Variants in ASIC4 observed in about 807,000 individuals in gnomAD.
ASIC4 encodes acid sensing ion channel subunit family member 4.
Under a neutral mutation model 53.4 loss-of-function variants are expected in ASIC4, and 28 were observed. The observed-to-expected ratio is 0.52, with a 90% CI of 0.39 to 0.72. ASIC4 has a LOEUF of 0.72. Among genes scored for constraint, ASIC4 ranks in the 30% least tolerant of loss-of-function variants. ASIC4 has a pLI of 0.00. For missense variants in ASIC4, 649 were observed against 729.7 expected (o/e 0.89, Z 1.27); for synonymous variants, 289 against 301.4 (o/e 0.96, Z 0.43).
upstream of ASIC4, among the ~76,000 whole-genome samples, chr2:219,511,117 G>C (rs1694696136): frequency 6.6e-6 from 1 of 152,220 alleles, no homozygotes; most frequent in South Asian, 2.1e-4. The surrounding 1 kb of genome is among the most constrained non-coding windows in gnomAD (Gnocchi z 5.3). Context: ...GGTGCAGGGG[G>C]AGGGAGGCTG....
Position 219,532,489 on chromosome 2 carries a change from A to G in ASIC4, c.1018+12A>G. 2 of 1,601,510 alleles carry G rather than the reference A, an allele frequency of 1.2e-6. No individual in the cohort carries two copies. The highest frequency in any genetic ancestry group is 1.7e-6 in the Non-Finnish European group (2 of 1,172,130). ...GGTGCACATGCCAGGTGGGCACCCCACCCCCAGCCAGCCCTCCATGCCACC... is the reference window on the plus strand; with the variant it reads ...GGTGCACATGCCAGGTGGGCACCCCGCCCCCAGCCAGCCCTCCATGCCACC... On this transcript the variant is annotated intron_variant, in intron 4 of 9. Coordinates refer to ENST00000358078, the MANE Select transcript of ASIC4 (RefSeq NM_018674.6).
chr2:219,509,996 G>T (rs998550006), upstream of ASIC4, among the ~76,000 whole-genome samples: 4 of 151,836 alleles, frequency 2.6e-5, no homozygotes, highest in Non-Finnish European at 5.9e-5. This position sits in a 1 kb window ranked among gnomAD's most constrained non-coding sequence, Gnocchi z 5.2. Flanking sequence ...CATGGGGTGT[G>T]GGGGGCGGGG....
chr2:219,537,864 G>C lies in ASIC4; in HGVS notation c.1507-69G>C. 6.7e-7 allele frequency: 1 copy of C among 1,489,720 alleles called. No homozygotes were observed. The highest frequency in any genetic ancestry group is 1.4e-5 in the African/African-American group (1 of 72,420). 92.3% of individuals were successfully genotyped at this position (1,489,720 alleles called of 1,614,324 possible). A position where few individuals can be genotyped will look rare whatever the true frequency, so the allele number is the denominator to read the frequency against. ...CTGCCCGAGGTGACAAGGAAAGGCT[G>C]GCGGTGTGAGCCCTGGGGGCACCAC... On this transcript the variant is annotated intron_variant, in intron 9 of 9. Coordinates refer to ENST00000358078, the MANE Select transcript of ASIC4 (RefSeq NM_018674.6). The surrounding 1 kb of genome is among the most constrained non-coding windows in gnomAD (Gnocchi z 4.9).
intron 1 of ASIC4, among the ~76,000 whole-genome samples, chr2:219,529,887 C>T (rs1695013966): frequency 2.0e-5 from 3 of 151,744 alleles, no homozygotes; most frequent in African/African-American, 4.8e-5. Flanking sequence ...ATCAGGGCTG[C>T]GACTCCCAGA....
In ASIC4 at chr2:219,514,506, A is replaced by AGGCAGCAGC. The variant is rs894746570; in HGVS notation, c.-213_-205dup. ...CGAGGAGAGAGACAAGCGGCAGCAGAGGCAGCAGCGGCAGAGGCAGCACCA... is the reference window on the plus strand; with the variant it reads ...CGAGGAGAGAGACAAGCGGCAGCAGAGGCAGCAGCGGCAGCAGCGGCAGAGGCAGCACCA... On this transcript the variant is annotated 5_prime_UTR_variant, in exon 1 of 10. Transcript: ENST00000358078. 3.9e-6 allele frequency: 6 copies of AGGCAGCAGC among 1,549,288 alleles called. No homozygotes were observed. In the Admixed American group the frequency reaches 1.2e-4, roughly 30 times the overall value.
chr2:219,519,418 G>A lies in ASIC4; in HGVS notation c.582+4112G>A, dbSNP rs368519768. 1.9e-4 allele frequency among the ~76,000 whole-genome samples: 29 copies of A among 152,238 alleles called. No homozygotes were observed. The East Asian group carries it at 3.9e-3, about 20-fold the overall frequency. ...CATTACTCTCCATTACCTAGTCATC[G>A]CCCCGCTTTTGACCCTCTGGCCCAC... On this transcript the variant is annotated intron_variant, in intron 1 of 9. Coordinates refer to ENST00000358078, the MANE Select transcript of ASIC4 (RefSeq NM_018674.6).
Position 219,515,160 on chromosome 2 carries a change from GACCGGGATGGGC to G in ASIC4, c.441_452del (p.Asp148_Arg151del), listed in dbSNP as rs745815024. 1 of 1,614,212 alleles carries G rather than the reference GACCGGGATGGGC, an allele frequency of 6.2e-7. No individual in the cohort carries two copies. Among genetic ancestry groups the G allele is most frequent in the South Asian group, 1.1e-5 (1 of 91,084 alleles). On this transcript the variant is annotated inframe_deletion, in exon 1 of 10. Transcript: ENST00000358078. ...CAATCTGACAGGGCTGCCCCCCAAAGACCGGGATGGGCACCGTGCGGCTGGCCTGCGCTACCC... is the reference window on the plus strand; with the variant it reads ...CAATCTGACAGGGCTGCCCCCCAAAGACCGTGCGGCTGGCCTGCGCTACCC...
rs972661595 is a variant in ASIC4, at chr2:219,531,692, G to A, written c.583-66G>A. On this transcript the variant is annotated intron_variant, in intron 1 of 9. Transcript: ENST00000358078. ...TCTGGTGGCCCTCAGCAGGGAGCAG[G>A]GAACTTCGGAGTTGCCTTGGCCACT... is the stretch of plus-strand genomic sequence containing the variant. 36 of 1,518,066 alleles carry A rather than the reference G, an allele frequency of 2.4e-5. No homozygotes were observed. The Admixed American group carries it at 7.0e-4, about 30-fold the overall frequency. 94.0% of individuals were successfully genotyped at this position (1,518,066 alleles called of 1,614,324 possible).
At chr2:219,535,352 C>T (rs747886920) in intron 6 of ASIC4, 28 bp downstream of exon 6, 2 of 1,539,404 alleles carry the variant, frequency 1.3e-6, no homozygotes, top group Admixed American at 2.0e-5. Flanking sequence ...TGGGGGGTGG[C>T]TGTGTGACTC....
chr2:219,511,527 A>G (rs1694701665), upstream of ASIC4, among the ~76,000 whole-genome samples: 1 of 152,090 alleles, frequency 6.6e-6, no homozygotes, highest in Non-Finnish European at 1.5e-5. This position sits in a 1 kb window ranked among gnomAD's most constrained non-coding sequence, Gnocchi z 5.3. Context: ...AGGAATGGGG[A>G]CAACCAGAGA....
chr2:219,523,656 C>T (rs958218761), intron 1 of ASIC4, among the ~76,000 whole-genome samples: 5 of 152,174 alleles, frequency 3.3e-5, no homozygotes, highest in African/African-American at 1.2e-4. Context: ...TTTTTCCTGA[C>T]CCTGCAAGCC....
chr2:219,522,535 C>T lies in ASIC4; in HGVS notation c.582+7229C>T, dbSNP rs1694903635. Among the ~76,000 whole-genome samples, 4 of 152,270 alleles carry T rather than the reference C, an allele frequency of 2.6e-5. No individual in the cohort carries two copies. In the South Asian group the frequency reaches 8.3e-4, roughly 32 times the overall value. On this transcript the variant is annotated intron_variant, in intron 1 of 9. Transcript: ENST00000358078. ...CAGGTTCCCAGTAGGGGTTCCGTTT[C>T]TGGTCGCAGCCTCCCGGGCCTCGTG... is the stretch of plus-strand genomic sequence containing the variant.
In ASIC4 at chr2:219,516,991, T is replaced by C. The variant is rs1574487095; in HGVS notation, c.582+1685T>C. 6.6e-6 allele frequency: 1 copy of C among 152,338 alleles called. No individual in the cohort carries two copies. The highest frequency in any genetic ancestry group is 6.5e-5 in the Admixed American group (1 of 15,278). The allele number at this position is 152,338 out of a possible 1,614,324, so 9.4% of individuals were successfully genotyped here. ...GCCTTTGGGATCCATAGGGCTCTGC[T>C]GTCCTCAATCCTCACCACTCCGTAT... is the stretch of plus-strand genomic sequence containing the variant. On this transcript the variant is annotated intron_variant, in intron 1 of 9. Coordinates refer to ENST00000358078, the MANE Select transcript of ASIC4 (RefSeq NM_018674.6). This position sits in a 1 kb window ranked among gnomAD's most constrained non-coding sequence, Gnocchi z 4.9.
upstream of ASIC4, among the ~76,000 whole-genome samples, chr2:219,509,735 C>T (rs1478481475): frequency 2.0e-5 from 3 of 152,062 alleles, no homozygotes; most frequent in East Asian, 5.8e-4. The surrounding 1 kb of genome is among the most constrained non-coding windows in gnomAD (Gnocchi z 5.2). Flanking sequence ...TCCTTCCAAG[C>T]CCACACCCCT....
At chr2:219,533,000 TCTC>T (rs748125984) in intron 5 of ASIC4, 61 bp downstream of exon 5, 12 of 1,522,006 alleles carry the variant, frequency 7.9e-6, no homozygotes, top group Middle Eastern at 1.7e-4. Flanking sequence ...TGTCCACTCT[TCTC>T]CTCACTGTCT....
At chr2:219,525,512 C>T (rs1340200488) in intron 1 of ASIC4, among the ~76,000 whole-genome samples, 1 of 152,236 alleles carries the variant, frequency 6.6e-6, no homozygotes, top group Non-Finnish European at 1.5e-5. Flanking sequence ...CTGTTTTCTG[C>T]ATGCCCTTGG....
At position 219,516,218 on chromosome 2, in the gene ASIC4, C is replaced by G. The variant is rs548830036; in HGVS notation, c.582+912C>G. ...TCATCTCCATGTCTAGCTCCCAGCT[C>G]TCGCTTAGCTGCCAAGGACAGGGTC... is the stretch of plus-strand genomic sequence containing the variant. On this transcript the variant is annotated intron_variant, in intron 1 of 9. Transcript: ENST00000358078. The surrounding 1 kb of genome is among the most constrained non-coding windows in gnomAD (Gnocchi z 4.9). Among the ~76,000 whole-genome samples, 2 of 152,326 alleles carry G rather than the reference C, an allele frequency of 1.3e-5. No homozygotes were observed. The highest frequency in any genetic ancestry group is 4.8e-5 in the African/African-American group (2 of 41,578).
chr2:219,517,800 G>A lies in ASIC4; in HGVS notation c.582+2494G>A, dbSNP rs943486904. ...GATGGGTATGTGAGCTGGTTGGTGGGGAGCCTGCCGGGGTATGGGTGGTGA... is the reference window on the plus strand; with the variant it reads ...GATGGGTATGTGAGCTGGTTGGTGGAGAGCCTGCCGGGGTATGGGTGGTGA... On this transcript the variant is annotated intron_variant, in intron 1 of 9. Coordinates refer to ENST00000358078, the MANE Select transcript of ASIC4 (RefSeq NM_018674.6). The surrounding 1 kb of genome is among the most constrained non-coding windows in gnomAD (Gnocchi z 4.2). Among the ~76,000 whole-genome samples the A allele has an allele frequency of 2.6e-5, 4 of 152,068 alleles. No individual in the cohort carries two copies. Among genetic ancestry groups the A allele is most frequent in the African/African-American group, 9.7e-5 (4 of 41,380 alleles).
chr2:219,526,489 A>G (rs577270011), intron 1 of ASIC4, among the ~76,000 whole-genome samples: 1 of 152,348 alleles, frequency 6.6e-6, no homozygotes, highest in African/African-American at 2.4e-5. Flanking sequence ...GGGGGCATCC[A>G]GGACAATGGG....
Sources: gnomAD v4.1 joint callset for allele counts (sites outside exome capture counted in the v4.1 genomes callset) on GRCh38, gnomAD v4.1.1 for gene constraint, Gnocchi (gnomAD v3.1) non-coding constraint, MANE v1.5 for transcripts, NCBI Gene and HGNC (gene_info 2026-07-23, HGNC 2026-07-21) for gene names.